The following TMEM108 variants were observed in gnomAD, a reference collection of about 807,000 sequenced individuals.
The protein encoded by TMEM108 is cancer/testis antigen 124.
TMEM108 carries 12 observed loss-of-function variants against 35.1 expected under a neutral mutation model. The ratio of observed to expected loss-of-function variants is 0.34; its 90% CI spans 0.22 to 0.55. The LOEUF (loss-of-function observed/expected upper bound fraction) is 0.55. Among genes scored for constraint, TMEM108 ranks in the 20% least tolerant of loss-of-function variants. The pLI is 0.89. For synonymous variants in TMEM108, 287 were observed against 308.6 expected, an observed-to-expected ratio of 0.93 and a Z score of 0.73; for missense variants, 680 against 753.3, an observed-to-expected ratio of 0.90 and a Z score of 1.14.
chr3:133,257,450 T>C (rs1261772470), intron 3 of TMEM108, among the ~76,000 whole-genome samples: 1 of 152,238 alleles, frequency 6.6e-6, no homozygotes, highest in South Asian at 2.1e-4. Context: ...TTGCATGGCT[T>C]AAGCTTTGCT....
At chr3:133,094,232 CA>C in intron 2 of TMEM108, among the ~76,000 whole-genome samples, 7 of 117,778 alleles carry the variant, frequency 5.9e-5, no homozygotes, top group Non-Finnish European at 1.2e-4. Context: ...CCCCACCCCC[CA>C]CCCCCCCCAC....
intron 2 of TMEM108, among the ~76,000 whole-genome samples, chr3:133,162,990 A>G (rs1197386750): frequency 6.6e-6 from 1 of 152,184 alleles, no homozygotes; most frequent in Non-Finnish European, 1.5e-5. Context: ...CTCCCACCCC[A>G]TATAGATTTT....
intron 2 of TMEM108, among the ~76,000 whole-genome samples, chr3:133,212,370 T>G (rs1945844666): frequency 6.6e-6 from 1 of 152,166 alleles, no homozygotes; most frequent in African/African-American, 2.4e-5. Flanking sequence ...AAAGATCTGT[T>G]TGGTGTGAGT....
At chr3:133,172,214 A>G (rs552186971) in intron 2 of TMEM108, among the ~76,000 whole-genome samples, 30 of 152,306 alleles carry the variant, frequency 2.0e-4, no homozygotes, top group South Asian at 2.1e-4. Context: ...GTAGCTTACA[A>G]ATGATAGAAC....
At chr3:133,364,846 G>A (rs148965627) in intron 3 of TMEM108, among the ~76,000 whole-genome samples, 1 of 152,286 alleles carries the variant, frequency 6.6e-6, no homozygotes, top group Non-Finnish European at 1.5e-5. Context: ...AGTACTGCCA[G>A]AATCAACACC....
intron 3 of TMEM108, among the ~76,000 whole-genome samples, chr3:133,264,412 G>A (rs553652729): frequency 6.6e-6 from 1 of 152,156 alleles, no homozygotes; most frequent in Non-Finnish European, 1.5e-5. Flanking sequence ...TCATGAGCAG[G>A]AGCCACATTT....
intron 2 of TMEM108, among the ~76,000 whole-genome samples, chr3:133,123,877 T>A (rs1481994090): frequency 6.6e-6 from 1 of 152,212 alleles, no homozygotes. Flanking sequence ...GGAAGAAAGT[T>A]GGCTGCAGGT....
At chr3:133,235,357 A>G (rs1017155917) in intron 3 of TMEM108, among the ~76,000 whole-genome samples, 8 of 152,182 alleles carry the variant, frequency 5.3e-5, no homozygotes, top group East Asian at 1.9e-4. Context: ...AAACTATACT[A>G]CAAGGCTGCA....
At chr3:133,343,321 C>G (rs1289259590) in intron 3 of TMEM108, among the ~76,000 whole-genome samples, 1 of 151,814 alleles carries the variant, frequency 6.6e-6, no homozygotes, top group African/African-American at 2.4e-5. Context: ...TCTTATAAAG[C>G]TGAGTATATA....
rs550661231 is a variant in TMEM108, at chr3:133,240,048, A to G, written c.40+10697A>G. On this transcript the variant is annotated intron_variant, in intron 3 of 5. Coordinates refer to ENST00000321871, the MANE Select transcript of TMEM108 (RefSeq NM_023943.4). Reference sequence around the variant, plus strand: ...GCAAAAGGAAAACACCTTTTGAGTAACTCTTGGTCTTGACTGCTTATTGCA... The same window carrying G: ...GCAAAAGGAAAACACCTTTTGAGTAGCTCTTGGTCTTGACTGCTTATTGCA... Among the ~76,000 whole-genome samples, 8 of 152,276 alleles carry G rather than the reference A, an allele frequency of 5.3e-5. No individual in the cohort carries two copies. The South Asian group carries it at 6.2e-4, about 12-fold the overall frequency.
chr3:133,086,013 T>C (rs1943877498), intron 2 of TMEM108, among the ~76,000 whole-genome samples: 1 of 152,330 alleles, frequency 6.6e-6, no homozygotes, highest in South Asian at 2.1e-4. Flanking sequence ...CTAATTTCTG[T>C]CTTTGACTGC....
chr3:133,224,907 C>A (rs982414768), intron 2 of TMEM108, among the ~76,000 whole-genome samples: 1 of 152,096 alleles, frequency 6.6e-6, no homozygotes, highest in African/African-American at 2.4e-5. Flanking sequence ...ATCCTTAGGT[C>A]CCACCTGCTA....
intron 3 of TMEM108, among the ~76,000 whole-genome samples, chr3:133,258,997 T>C (rs932228313): frequency 2.6e-5 from 4 of 152,234 alleles, no homozygotes; most frequent in Non-Finnish European, 5.9e-5. Flanking sequence ...ATTTTTCCCT[T>C]GGTTTATCCT....
intron 2 of TMEM108, among the ~76,000 whole-genome samples, chr3:133,102,596 C>G (rs1381042991): frequency 6.6e-6 from 1 of 152,220 alleles, no homozygotes; most frequent in African/African-American, 2.4e-5. Context: ...TCCTTTACCT[C>G]TGACTCCCTA....
At position 133,162,842 on chromosome 3, in the gene TMEM108, A is replaced by T. The variant is rs113734085; in HGVS notation, c.-46-66424A>T. Among the ~76,000 whole-genome samples the T allele has an allele frequency of 1.1e-3, 167 of 152,330 alleles. 2 individuals carry two copies. The highest frequency in any genetic ancestry group is 3.8e-3 in the African/African-American group (159 of 41,570). On this transcript the variant is annotated intron_variant, in intron 2 of 5. Coordinates refer to ENST00000321871, the MANE Select transcript of TMEM108 (RefSeq NM_023943.4). ...GCTGTCATTTGTATGCAGTAAAATG[A>T]TTTGCAGAGTAGCACAGCTCAGAGT...
At chr3:133,104,762 A>G (rs564195176) in intron 2 of TMEM108, among the ~76,000 whole-genome samples, 14 of 152,304 alleles carry the variant, frequency 9.2e-5, no homozygotes, top group Admixed American at 2.0e-4. Context: ...AGCACCTCAC[A>G]GGAGAGCCAA....
chr3:133,176,865 A>G (rs1387909491), intron 2 of TMEM108, among the ~76,000 whole-genome samples: 4 of 152,098 alleles, frequency 2.6e-5, no homozygotes, highest in Admixed American at 6.6e-5. Context: ...CAAAAAATCA[A>G]TGAATCCAGG....
At chr3:133,227,851 C>T (rs1486884525) in intron 2 of TMEM108, among the ~76,000 whole-genome samples, 2 of 151,910 alleles carry the variant, frequency 1.3e-5, no homozygotes, top group East Asian at 2.0e-4. Flanking sequence ...GCTGAGATCA[C>T]GCCACTGCAC....
chr3:133,286,236 C>T (rs116645872), intron 3 of TMEM108, among the ~76,000 whole-genome samples: 2 of 152,356 alleles, frequency 1.3e-5, no homozygotes, highest in African/African-American at 4.8e-5. Flanking sequence ...CTCTCTTCTT[C>T]TGAGCCACAC....
Sources: allele counts gnomAD v4.1 joint callset (sites outside exome capture counted in the v4.1 genomes callset), GRCh38; gene constraint gnomAD v4.1.1; transcripts MANE v1.5; gene names NCBI Gene and HGNC (gene_info 2026-07-23, HGNC 2026-07-21).